Variants in CCDC157 observed in about 807,000 individuals in gnomAD.
CCDC157 encodes coiled-coil domain-containing protein 157.
Under a neutral mutation model 70.9 loss-of-function variants are expected in CCDC157, and 60 were observed. The ratio of observed to expected loss-of-function variants is 0.85; its 90% CI spans 0.69 to 1.05. CCDC157 has a LOEUF of 1.05. Among genes scored for constraint, CCDC157 ranks in the 50% least tolerant of loss-of-function variants. The pLI is 0.00. For synonymous variants in CCDC157, 373 were observed against 422.4 expected, an observed-to-expected ratio of 0.88 and a Z score of 1.43; for missense variants, 943 against 984.2, an observed-to-expected ratio of 0.96 and a Z score of 0.56.
intron 1 of CCDC157, among the ~76,000 whole-genome samples, chr22:30,357,679 T>C (rs2145840291): frequency 6.6e-6 from 1 of 151,312 alleles, no homozygotes; most frequent in African/African-American, 2.4e-5. Flanking sequence ...TTTTTTTTTT[T>C]TTTTTTTTGG....
chr22:30,362,642 G>A (rs1932428561), intron 2 of CCDC157, among the ~76,000 whole-genome samples: 1 of 152,334 alleles, frequency 6.6e-6, no homozygotes, highest in East Asian at 1.9e-4. Flanking sequence ...AGGTGGTACA[G>A]GGCAGAAGGG....
In CCDC157 at chr22:30,370,857, C is replaced by T. The variant is rs775520038; in HGVS notation, c.952C>T (p.Leu318=). The T allele has an allele frequency of 1.6e-5, 25 of 1,612,446 alleles. 1 individual carries two copies. The African/African-American group carries it at 2.4e-4, about 15-fold the overall frequency. ...GCAGGCGGGCAAGCTGGAGCAGGCG[C>T]TGAAACAGGAGCAGGGGGCACGGCG... ...RKQAGKLEQA[L]KQEQGARRRQ... The change falls in exon 5 of 12, where the codon CTG becomes TTG. Residue 318 remains leucine, a synonymous_variant. Transcript: ENST00000338306.
intron 3 of CCDC157, chr22:30,368,703 C>G (rs947886016): frequency 1.3e-5 from 2 of 152,250 alleles, no homozygotes; most frequent in Non-Finnish European, 2.9e-5. Flanking sequence ...GCCCAAGGCC[C>G]TACAGGTTTT....
chr22:30,369,262 AG>A, intron 3 of CCDC157, 169 bp from the exon 4 acceptor site: 1 of 508,396 alleles, frequency 2.0e-6, no homozygotes, highest in Middle Eastern at 5.2e-4. Flanking sequence ...GGCTTCCCTG[AG>A]GAAGTAGCCC....
In CCDC157 at chr22:30,376,478, C is replaced by G. The variant is rs754391000; in HGVS notation, c.1992C>G (p.Thr664=). Reference sequence around the variant, plus strand: ...TTCCTAGCAGCAGGACGGGTAGGACCCTGCTGGGCCAGCCCTGCACATCCC... The same window carrying G: ...TTCCTAGCAGCAGGACGGGTAGGACGCTGCTGGGCCAGCCCTGCACATCCC... ...QHLPSSRTGR[T]LLGQPCTSPP... Residue 664 remains threonine, a synonymous_variant, in exon 12 of 12, where the codon ACC becomes ACG. Transcript: ENST00000338306. 2.5e-6 allele frequency: 4 copies of G among 1,613,902 alleles called. No individual in the cohort carries two copies. Among genetic ancestry groups the G allele is most frequent in the Non-Finnish European group, 3.4e-6 (4 of 1,179,948 alleles).
In CCDC157 at chr22:30,378,282, T is replaced by C. The variant is rs1447803004; in HGVS notation, c.*1537T>C. ...GGGCAAGGCTCACACTCAAATACTT[T>C]CCCTATCTTCAGGTCAGCTTGCTAT... On this transcript the variant is annotated 3_prime_UTR_variant, in exon 12 of 12. Transcript: ENST00000338306. The C allele has an allele frequency of 2.5e-6, 1 of 394,070 alleles. No homozygotes were observed. The highest frequency in any genetic ancestry group is 5.3e-6 in the Non-Finnish European group (1 of 188,190). 24.4% of individuals were successfully genotyped at this position (394,070 alleles called of 1,614,324 possible). A position where few individuals can be genotyped will look rare whatever the true frequency, so the allele number is the denominator to read the frequency against.
rs770041159 is a variant in CCDC157 at position 30,369,522 on chromosome 22, C to A, written c.339C>A (p.Cys113Ter). ...CCCCTGCACAGGCTGCGGGGCCCTGCATGTCCGTGGGGCTCACGGTGCGGC... is the reference window on the plus strand; with the variant it reads ...CCCCTGCACAGGCTGCGGGGCCCTGAATGTCCGTGGGGCTCACGGTGCGGC... ...MMPPAQAAGP[C>*]MSVGLTVRRF... The change falls in exon 4 of 12, where the codon TGC (cysteine) becomes TGA (stop). Residue 113 changes from cysteine to a stop codon, truncating the protein, a stop_gained. Coordinates refer to ENST00000338306, the MANE Select transcript of CCDC157 (RefSeq NM_001017437.5). LOFTEE classifies it high-confidence loss of function. 28 of 1,607,726 alleles carry A rather than the reference C, an allele frequency of 1.7e-5. No homozygotes were observed. The South Asian group carries it at 3.1e-4, about 18-fold the overall frequency.
rs150581663 is a variant in CCDC157 at position 30,370,455 on chromosome 22, T to C, written c.550T>C (p.Cys184Arg). ...CCCAGTGCTAGGCTTGCCCCAGACCTGCCAAGAGCCAGAGAGCATCCCTGT... is the reference window on the plus strand; with the variant it reads ...CCCAGTGCTAGGCTTGCCCCAGACCCGCCAAGAGCCAGAGAGCATCCCTGT... ...SSPVLGLPQT[C>R]QEPESIPVRA... The change falls in exon 5 of 12, where the codon TGC becomes CGC. Residue 184 changes from cysteine (C) to arginine (R), a missense_variant. Cys to Arg is a radical substitution (Grantham distance 180, BLOSUM62 -3). Transcript: ENST00000338306. The C allele has an allele frequency of 3.7e-6, 6 of 1,613,944 alleles. No individual in the cohort carries two copies. The African/African-American group carries it at 8.0e-5, about 22-fold the overall frequency.
chr22:30,356,779 G>C, upstream of CCDC157: 1 of 1,435,642 alleles, frequency 7.0e-7, no homozygotes. Context: ...CGCCTGCACG[G>C]GTCCGGCCGG....
In CCDC157 at chr22:30,366,246, C is replaced by T; in HGVS notation, c.246C>T (p.Asp82=). 1.2e-6 allele frequency: 2 copies of T among 1,613,776 alleles called. No individual in the cohort carries two copies. Among genetic ancestry groups the T allele is most frequent in the South Asian group, 1.1e-5 (1 of 91,086 alleles). Residue 82 remains aspartate, a splice_region_variant and synonymous_variant, in exon 3 of 12, where the codon GAC becomes GAT. Transcript: ENST00000338306. Reference sequence around the variant, plus strand: ...CCGTGCTGCTGGAGCTGGTCATCGACAGGTGAGGGCCTTGACCAAGCCTGG... The same window carrying T: ...CCGTGCTGCTGGAGCTGGTCATCGATAGGTGAGGGCCTTGACCAAGCCTGG... The part of the protein sequence containing the change: ...SHAVLLELVI[D]RLLLLLQSCM...
chr22:30,373,448 C>G (rs934675347), intron 7 of CCDC157, 149 bp from the exon 8 acceptor site: 13 of 814,800 alleles, frequency 1.6e-5, no homozygotes, highest in Non-Finnish European at 2.5e-5. Context: ...TACCCTTCCA[C>G]GCATGTGACC....
Position 30,375,542 on chromosome 22 carries a change from A to G in CCDC157, c.1736A>G (p.Asp579Gly), listed in dbSNP as rs374373064. ...CCCACAGACTCTGGCAACGTCACAG[A>G]TCACATGGAGAGGCAAGTGCAGTCC... ...TCPTDSGNVT[D>G]HMERQVQSND... Residue 579 changes from aspartate (D) to glycine (G), a missense_variant, in exon 10 of 12, where the codon GAT (aspartate) becomes GGT (glycine). By Grantham distance (94) the Asp-to-Gly change is moderately conservative. Transcript: ENST00000338306. 1.2e-6 allele frequency: 2 copies of G among 1,614,216 alleles called. No individual in the cohort carries two copies. The highest frequency in any genetic ancestry group is 1.7e-6 in the Non-Finnish European group (2 of 1,180,034).
Position 30,375,508 on chromosome 22 carries a change from A to G in CCDC157, c.1702A>G (p.Ile568Val). ...CAGATCCAGCAGCGTGGAATCCCAGATAACATGTCCCACAGACTCTGGCAA... is the reference window on the plus strand; with the variant it reads ...CAGATCCAGCAGCGTGGAATCCCAGGTAACATGTCCCACAGACTCTGGCAA... ...GGRSSSVESQ[I>V]TCPTDSGNVT... Residue 568 changes from isoleucine to valine, a missense_variant, in exon 10 of 12, where the codon ATA becomes GTA. Transcript: ENST00000338306. The G allele has an allele frequency of 6.2e-7, 1 of 1,614,212 alleles. No homozygotes were observed. Among genetic ancestry groups the G allele is most frequent in the South Asian group, 1.1e-5 (1 of 91,086 alleles).
intron 1 of CCDC157, among the ~76,000 whole-genome samples, chr22:30,361,416 G>A (rs1405751322): frequency 6.6e-6 from 1 of 152,090 alleles, no homozygotes; most frequent in Non-Finnish European, 1.5e-5. Flanking sequence ...CTTCAGGGGA[G>A]GAGGGGAGAG....
At position 30,378,142 on chromosome 22, in the gene CCDC157, T is replaced by A; in HGVS notation, c.*1397T>A. 2.1e-6 allele frequency: 1 copy of A among 471,108 alleles called. No individual in the cohort carries two copies. The highest frequency in any genetic ancestry group is 4.4e-6 in the Non-Finnish European group (1 of 227,034). The allele number at this position is 471,108 out of a possible 1,614,324, so 29.2% of individuals were successfully genotyped here. A position where few individuals can be genotyped will look rare whatever the true frequency, so the allele number is the denominator to read the frequency against. On this transcript the variant is annotated 3_prime_UTR_variant, in exon 12 of 12. Coordinates refer to ENST00000338306, the MANE Select transcript of CCDC157 (RefSeq NM_001017437.5). Reference sequence around the variant, plus strand: ...CTTCCTTGCCATGGGGCTCCCTCCATCTTCAAGTCAACAACAGAGGATTTC... The same window carrying A: ...CTTCCTTGCCATGGGGCTCCCTCCAACTTCAAGTCAACAACAGAGGATTTC...
At chr22:30,362,364 A>C (rs1166888340) in intron 2 of CCDC157, among the ~76,000 whole-genome samples, 3 of 152,224 alleles carry the variant, frequency 2.0e-5, no homozygotes, top group Non-Finnish European at 4.4e-5. Flanking sequence ...TGTGACAGGG[A>C]ACCTCGCCCG....
Position 30,374,060 on chromosome 22 carries a change from C to T in CCDC157, c.1641C>T (p.Asp547=). Reference sequence around the variant, plus strand: ...AGCGGCTGCTGGTGGCCTTCCCAGACCTGCACAGGCCCACCGAGACCCAGA... The same window carrying T: ...AGCGGCTGCTGGTGGCCTTCCCAGATCTGCACAGGCCCACCGAGACCCAGA... ...ERERLLVAFP[D]LHRPTETQIH... The change falls in exon 9 of 12, where the codon GAC becomes GAT. Residue 547 remains aspartate (D), a synonymous_variant. Transcript: ENST00000338306. 6.3e-7 allele frequency: 1 copy of T among 1,582,508 alleles called. No homozygotes were observed. Among genetic ancestry groups the T allele is most frequent in the Non-Finnish European group, 8.6e-7 (1 of 1,165,728 alleles).
At chr22:30,376,061 C>T in intron 10 of CCDC157, 198 bp from the exon 11 acceptor site, 1 of 584,124 alleles carries the variant, frequency 1.7e-6, no homozygotes, top group Admixed American at 3.2e-5. Context: ...AGAAACCTCC[C>T]CACACTTGCT....
At chr22:30,367,728 G>A (rs1247647391) in intron 3 of CCDC157, among the ~76,000 whole-genome samples, 4 of 151,920 alleles carry the variant, frequency 2.6e-5, no homozygotes, top group African/African-American at 9.7e-5. Context: ...TCTGGGGACT[G>A]TATCCCAGGG....
Sources: gnomAD v4.1 joint callset for allele counts (sites outside exome capture counted in the v4.1 genomes callset) on GRCh38, gnomAD v4.1.1 for gene constraint, MANE v1.5 for transcripts, NCBI Gene and HGNC (gene_info 2026-07-23, HGNC 2026-07-21) for gene names.